PCDHA13: variants seen among roughly 807,000 people sequenced by gnomAD.
The protein encoded by PCDHA13 is protocadherin alpha-13.
PCDHA13 carries 54 observed loss-of-function variants against 64.8 expected under a neutral mutation model. That is an observed-to-expected ratio of 0.83 (90% CI 0.67 to 1.04). The LOEUF (loss-of-function observed/expected upper bound fraction) is 1.04, where lower values mean the gene tolerates loss of function less well. Among genes scored for constraint, PCDHA13 ranks in the 50% least tolerant of loss-of-function variants. PCDHA13 has a pLI of 0.00. For synonymous variants in PCDHA13, 587 were observed against 564.4 expected, an observed-to-expected ratio of 1.04 and a Z score of -0.57; for missense variants, 1,248 against 1,254.3, an observed-to-expected ratio of 0.99 and a Z score of 0.08.
chr5:140,966,925 A>C (rs782069766), intron 1 of PCDHA13: 1 of 1,603,462 alleles, frequency 6.2e-7, no homozygotes, highest in Non-Finnish European at 8.5e-7. Context: ...AGGAGCAGGC[A>C]CCCGGCGCGC....
intron 1 of PCDHA13, among the ~76,000 whole-genome samples, chr5:140,957,650 C>T (rs1239447979): frequency 1.3e-5 from 2 of 151,848 alleles, no homozygotes; most frequent in Non-Finnish European, 2.9e-5. Flanking sequence ...CTTAAATATT[C>T]AATCATGGAG....
intron 1 of PCDHA13, among the ~76,000 whole-genome samples, chr5:140,910,047 A>G (rs1454501128): frequency 2.0e-5 from 3 of 152,208 alleles, no homozygotes; most frequent in African/African-American, 4.8e-5. Context: ...CTTGGTCATA[A>G]TAAGTGATCT....
intron 1 of PCDHA13, among the ~76,000 whole-genome samples, chr5:140,970,367 TA>T (rs1554232416): frequency 6.6e-6 from 1 of 152,216 alleles, no homozygotes; most frequent in Non-Finnish European, 1.5e-5. Flanking sequence ...TGATTTGCTA[TA>T]GCTTCAAAAG....
Position 140,961,969 on chromosome 5 carries a change from C to A in PCDHA13, c.2395-16980C>A, listed in dbSNP as rs188846719. ...CATGATCTCGGCTCACTGCAACCTCCGCCTCCTGGGTTCACGCCATTGTCC... is the reference window on the plus strand; with the variant it reads ...CATGATCTCGGCTCACTGCAACCTCAGCCTCCTGGGTTCACGCCATTGTCC... On this transcript the variant is annotated intron_variant, in intron 1 of 3. Transcript: ENST00000289272. 8.7e-4 allele frequency among the ~76,000 whole-genome samples: 132 copies of A among 151,904 alleles called. 1 individual carries two copies. Among genetic ancestry groups the A allele is most frequent in the African/African-American group, 3.0e-3 (126 of 41,408 alleles).
chr5:140,883,256 A>G lies in PCDHA13; in HGVS notation c.988A>G (p.Met330Val). Residue 330 changes from methionine (M) to valine (V), a missense_variant, in exon 1 of 4, where the codon ATG (methionine) becomes GTG (valine). Transcript: ENST00000289272. ...VEAVDKGNIP[M>V]AGHCTLLVEV... is the part of the protein sequence containing the mutation. Reference sequence around the variant, plus strand: ...GGCAGTTGACAAAGGAAATATTCCAATGGCGGGTCATTGTACCCTTTTGGT... The same window carrying G: ...GGCAGTTGACAAAGGAAATATTCCAGTGGCGGGTCATTGTACCCTTTTGGT... The G allele has an allele frequency of 1.2e-6, 2 of 1,614,146 alleles. No homozygotes were observed. The highest frequency in any genetic ancestry group is 1.7e-6 in the Non-Finnish European group (2 of 1,180,034).
At chr5:140,978,791 A>G (rs1443899144) in intron 1 of PCDHA13, 158 bp from the exon 2 acceptor site, 1 of 976,042 alleles carries the variant, frequency 1.0e-6, no homozygotes, top group Non-Finnish European at 1.2e-6. Context: ...AAAGTGCTAT[A>G]TATGTAGATA....
chr5:140,926,806 C>T, intron 1 of PCDHA13: 1 of 1,456,722 alleles, frequency 6.9e-7, no homozygotes, highest in Non-Finnish European at 9.0e-7. Flanking sequence ...CTCTTCCCCG[C>T]GGCTCGTGCT....
chr5:140,961,135 A>T (rs1554225235), intron 1 of PCDHA13, among the ~76,000 whole-genome samples: 2 of 152,186 alleles, frequency 1.3e-5, no homozygotes, highest in African/African-American at 4.8e-5. Flanking sequence ...TTGGCACTTA[A>T]GAGTTGGCAT....
In PCDHA13 at chr5:140,883,753, G is replaced by A. The variant is rs945452765; in HGVS notation, c.1485G>A (p.Val495=). 5 of 1,613,010 alleles carry A rather than the reference G, an allele frequency of 3.1e-6. No homozygotes were observed. The African/African-American group carries it at 5.3e-5, about 17-fold the overall frequency. ...ACGCGCTGGTCTCCTACTCGCTGGT[G>A]GAGCGGCGGGTGGGCGAGCGTGCGC... is the stretch of plus-strand genomic sequence containing the variant. ...QENALVSYSL[V]ERRVGERALS... is the part of the protein sequence containing the mutation. Residue 495 remains valine, a synonymous_variant, in exon 1 of 4, where the codon GTG becomes GTA. Transcript: ENST00000289272.
intron 1 of PCDHA13, among the ~76,000 whole-genome samples, chr5:140,912,772 A>T (rs897864498): frequency 1.3e-5 from 2 of 152,190 alleles, no homozygotes; most frequent in South Asian, 4.1e-4. Flanking sequence ...ACTTTGAGGT[A>T]TGTCCCTTCT....
chr5:140,969,019 G>C lies in PCDHA13; in HGVS notation c.2395-9930G>C. 3.1e-6 allele frequency: 5 copies of C among 1,614,164 alleles called. No homozygotes were observed. The South Asian group carries it at 5.5e-5, about 18-fold the overall frequency. ...GAGGCTTCTGTGGAGTAAGGGAAAG[G>C]TCCCCTGCAGAACTGTACAAACAAG... On this transcript the variant is annotated intron_variant, in intron 1 of 3. Transcript: ENST00000289272.
intron 3 of PCDHA13, among the ~76,000 whole-genome samples, chr5:140,986,524 G>C (rs2097203903): frequency 6.6e-6 from 1 of 152,198 alleles, no homozygotes; most frequent in South Asian, 2.1e-4. Flanking sequence ...GCCTGTGAGG[G>C]AACTGGCCTG....
At chr5:140,904,143 T>C (rs1370565805) in intron 1 of PCDHA13, among the ~76,000 whole-genome samples, 1 of 152,136 alleles carries the variant, frequency 6.6e-6, no homozygotes, top group Non-Finnish European at 1.5e-5. Context: ...CCGAGCAGTA[T>C]ACATTGCACC....
At chr5:140,927,303 G>A (rs1554204320) in intron 1 of PCDHA13, 69 of 1,614,150 alleles carry the variant, frequency 4.3e-5, no homozygotes, top group Non-Finnish European at 5.7e-5. Context: ...CCGAGTTCCT[G>A]ACGCCCGGAG....
chr5:140,916,051 G>A (rs2153537424), intron 1 of PCDHA13, among the ~76,000 whole-genome samples: 1 of 152,240 alleles, frequency 6.6e-6, no homozygotes, highest in African/African-American at 2.4e-5. Context: ...ACAGGCAGAG[G>A]TGCCTCTCCC....
At chr5:140,914,964 T>A (rs1328203928) in intron 1 of PCDHA13, among the ~76,000 whole-genome samples, 18 of 131,662 alleles carry the variant, frequency 1.4e-4, no homozygotes, top group Non-Finnish European at 3.0e-4. Context: ...TTTTTTTTTC[T>A]GAGTCAGAGT....
chr5:140,916,475 C>T (rs2077583115), intron 1 of PCDHA13, among the ~76,000 whole-genome samples: 1 of 152,206 alleles, frequency 6.6e-6, no homozygotes, highest in South Asian at 2.1e-4. Flanking sequence ...TTATTTGGTG[C>T]CCAAGGGCTC....
intron 1 of PCDHA13, among the ~76,000 whole-genome samples, chr5:140,947,169 G>GTA (rs1235035694): frequency 1.3e-5 from 2 of 150,968 alleles, no homozygotes; most frequent in Non-Finnish European, 3.0e-5. Context: ...AGAAAATGTG[G>GTA]TATATATTCA....
chr5:140,958,020 A>G (rs536128192), intron 1 of PCDHA13, among the ~76,000 whole-genome samples: 90 of 152,262 alleles, frequency 5.9e-4, no homozygotes, highest in African/African-American at 2.1e-3. Context: ...TCAGCCAAGT[A>G]TACTATGCTT....
Sources: gnomAD v4.1 joint callset for allele counts (sites outside exome capture counted in the v4.1 genomes callset) on GRCh38, gnomAD v4.1.1 for gene constraint, MANE v1.5 for transcripts, NCBI Gene and HGNC (gene_info 2026-07-23, HGNC 2026-07-21) for gene names.